Variants in C12orf42 observed in about 807,000 individuals in gnomAD.
C12orf42 encodes uncharacterized protein C12orf42.
In C12orf42, 25 loss-of-function variants were observed where a neutral mutation model predicts 21.6. The ratio of observed to expected loss-of-function variants is 1.16; its 90% CI spans 0.84 to 1.62. The LOEUF is 1.62. C12orf42 is among the 40% of genes most tolerant of loss of function. The pLI is 0.00. For synonymous variants in C12orf42, 174 were observed against 175.0 expected, an observed-to-expected ratio of 0.99 and a Z score of 0.05; for missense variants, 483 against 459.3, an observed-to-expected ratio of 1.05 and a Z score of -0.47.
chr12:103,533,986 T>C, the C12orf42 span, among the ~76,000 whole-genome samples: 11 of 152,206 alleles, frequency 7.2e-5, no homozygotes, highest in Non-Finnish European at 8.8e-5. Context: ...ACCTGCTTCA[T>C]GTGGTCATTG....
At chr12:103,405,256 C>T (rs1326799823) in intron 2 of C12orf42, among the ~76,000 whole-genome samples, 1 of 152,184 alleles carries the variant, frequency 6.6e-6, no homozygotes, top group Admixed American at 6.5e-5. Flanking sequence ...CATGCATCCA[C>T]AAGACTCATC....
At chr12:103,520,641 A>G in the C12orf42 span, among the ~76,000 whole-genome samples, 388 of 152,314 alleles carry the variant, frequency 2.5e-3, no homozygotes, top group Middle Eastern at 0.01. Flanking sequence ...CTATGATCAC[A>G]TCACTGCACT....
At chr12:103,345,487 C>A (rs1337028915) in intron 4 of C12orf42, among the ~76,000 whole-genome samples, 1 of 152,160 alleles carries the variant, frequency 6.6e-6, no homozygotes, top group Admixed American at 6.5e-5. Flanking sequence ...ACCATCACCA[C>A]CTTTGCAGAT....
chr12:103,341,889 G>C (rs1294839412), intron 4 of C12orf42, among the ~76,000 whole-genome samples: 1 of 152,142 alleles, frequency 6.6e-6, no homozygotes, highest in African/African-American at 2.4e-5. Context: ...AAGAAAGTTT[G>C]GTAATAATGA....
chr12:103,129,844 A>G, the C12orf42 span, among the ~76,000 whole-genome samples: 1 of 152,144 alleles, frequency 6.6e-6, no homozygotes, highest in East Asian at 1.9e-4. Context: ...CCATGCCCAT[A>G]TTGTGGAGAC....
chr12:103,290,223 A>G (rs949414983), intron 4 of C12orf42, among the ~76,000 whole-genome samples: 1 of 152,202 alleles, frequency 6.6e-6, no homozygotes, highest in Non-Finnish European at 1.5e-5. Flanking sequence ...AACGTCTGTC[A>G]TCTTCTATAG....
chr12:103,469,995 A>C (rs1953464877), intron 2 of C12orf42, among the ~76,000 whole-genome samples: 1 of 152,216 alleles, frequency 6.6e-6, no homozygotes, highest in African/African-American at 2.4e-5. Flanking sequence ...ACTGAATACC[A>C]AAAGTGACTT....
chr12:103,537,649 A>G, the C12orf42 span, among the ~76,000 whole-genome samples: 1 of 152,108 alleles, frequency 6.6e-6, no homozygotes, highest in Non-Finnish European at 1.5e-5. Context: ...GGAATCCTCA[A>G]CCTCCTTTAG....
At chr12:103,401,547 A>G in intron 3 of C12orf42, 60 bp downstream of exon 3, 2 of 1,419,322 alleles carry the variant, frequency 1.4e-6, no homozygotes, top group Non-Finnish European at 9.9e-7. Flanking sequence ...ATGTAAAGCA[A>G]CTGAACCCTA....
chr12:103,556,020 A>AGGGATGT, the C12orf42 span, among the ~76,000 whole-genome samples: 46 of 152,330 alleles, frequency 3.0e-4, 1 homozygote, highest in African/African-American at 1.1e-3. Flanking sequence ...GGCAAGATCC[A>AGGGATGT]GGGATGTGGA....
chr12:103,232,743 T>G (rs1235667904), downstream of C12orf42, among the ~76,000 whole-genome samples: 1 of 151,996 alleles, frequency 6.6e-6, no homozygotes, highest in Non-Finnish European at 1.5e-5. Flanking sequence ...TATAATTTTG[T>G]GTTTTACATT....
At chr12:103,365,134 A>C (rs1352924916) in intron 4 of C12orf42, among the ~76,000 whole-genome samples, 1 of 152,016 alleles carries the variant, frequency 6.6e-6, no homozygotes, top group Non-Finnish European at 1.5e-5. Context: ...CCATGATCAA[A>C]TGTGTTTCAT....
At position 103,256,195 on chromosome 12, in the gene C12orf42, TA is replaced by T. The variant is rs2034610273; in HGVS notation, c.*1366+7130del. ...ACATATATATACATATATATACACA[TA>T]TATATATATAACTAAACTTATTGTA... On this transcript the variant is annotated intron_variant and NMD_transcript_variant, in intron 10 of 10. Coordinates refer to the C12orf42 transcript ENST00000547347. Among the ~76,000 whole-genome samples the T allele has an allele frequency of 2.1e-5, 3 of 140,732 alleles. No individual in the cohort carries two copies. The Admixed American group carries it at 2.2e-4, about 10-fold the overall frequency. The allele number at this position is 140,732 out of a possible 152,430, so 92.3% of individuals were successfully genotyped here.
chr12:103,236,738 A>T (rs953967983), downstream of C12orf42, among the ~76,000 whole-genome samples: 2 of 152,232 alleles, frequency 1.3e-5, no homozygotes, highest in African/African-American at 2.4e-5. Context: ...AAAGTGGTCC[A>T]TTACTGTGAA....
At chr12:103,153,075 A>G in the C12orf42 span, among the ~76,000 whole-genome samples, 4 of 152,204 alleles carry the variant, frequency 2.6e-5, no homozygotes, top group African/African-American at 9.6e-5. Context: ...AGGTAGGGAA[A>G]GAATGGTCTT....
Position 103,305,922 on chromosome 12 carries a change from A to C in C12orf42, c.631+52T>G. The C allele has an allele frequency of 1.9e-6, 3 of 1,543,362 alleles. No individual in the cohort carries two copies. The South Asian group carries it at 3.8e-5, about 20-fold the overall frequency. ...TCTGTTTATACTGAAGTTAAAAACA[A>C]AATGTGACCAGTTGAAACAAGAAGA... On this transcript the variant is annotated intron_variant, in intron 5 of 5. Transcript: ENST00000548883.
intron 4 of C12orf42, among the ~76,000 whole-genome samples, chr12:103,330,505 T>C (rs560933769): frequency 1.1e-3 from 170 of 152,306 alleles, no homozygotes; most frequent in African/African-American, 3.8e-3. Flanking sequence ...CCTGAAGTGG[T>C]TGGCTACTTG....
chr12:103,279,670 G>A (rs1484750038), intron 4 of C12orf42, among the ~76,000 whole-genome samples: 1 of 152,190 alleles, frequency 6.6e-6, no homozygotes. Flanking sequence ...GTGTGTGGTT[G>A]AAAATGACTA....
the C12orf42 span, among the ~76,000 whole-genome samples, chr12:103,131,333 T>C: frequency 2.0e-5 from 3 of 152,222 alleles, no homozygotes; most frequent in Non-Finnish European, 4.4e-5. Flanking sequence ...ATGTGATCAG[T>C]CTTGGCTTTT....
Sources: allele counts gnomAD v4.1 joint callset (sites outside exome capture counted in the v4.1 genomes callset), GRCh38; gene constraint gnomAD v4.1.1; transcripts MANE v1.5; gene names NCBI Gene and HGNC (gene_info 2026-07-23, HGNC 2026-07-21).